The following GRM7 variants were observed in gnomAD, a reference collection of about 807,000 sequenced individuals.
GRM7 encodes the protein glutamate metabotropic receptor 7.
A neutral mutation model predicts 84.5 loss-of-function variants in GRM7; 35 were observed. That is an observed-to-expected ratio of 0.41 (90% CI 0.32 to 0.55). The LOEUF (loss-of-function observed/expected upper bound fraction) is 0.55, where lower values mean the gene tolerates loss of function less well. Ranked by LOEUF, GRM7 falls within the 20% of genes least tolerant of loss-of-function variation. The probability of loss-of-function intolerance (pLI) is 0.19; values close to 1 mark genes in which losing one functional copy is unlikely to be tolerated. For missense variants in GRM7, 1,003 were observed against 1,194.6 expected, an observed-to-expected ratio of 0.84 and a Z score of 2.36; for synonymous variants, 487 against 455.1, an observed-to-expected ratio of 1.07 and a Z score of -0.89.
intron 8 of GRM7, among the ~76,000 whole-genome samples, chr3:7,610,531 A>G (rs916644811): frequency 2.0e-5 from 3 of 152,176 alleles, no homozygotes; most frequent in Non-Finnish European, 4.4e-5. Flanking sequence ...CCCTGAAATC[A>G]CTACTTAGAA....
intron 4 of GRM7, among the ~76,000 whole-genome samples, chr3:7,307,953 G>T (rs199611922): frequency 7.1e-6 from 1 of 141,434 alleles, no homozygotes; most frequent in African/African-American, 2.5e-5. Context: ...GGAGGGCACA[G>T]AGAGTTACCA....
intron 4 of GRM7, among the ~76,000 whole-genome samples, chr3:7,343,558 T>G (rs1692746284): frequency 6.6e-6 from 1 of 152,170 alleles, no homozygotes; most frequent in African/African-American, 2.4e-5. Context: ...TTGCTTGATT[T>G]TTTTATTAAA....
chr3:7,148,111 C>T (rs897277850), intron 2 of GRM7, among the ~76,000 whole-genome samples: 1 of 152,138 alleles, frequency 6.6e-6, no homozygotes, highest in African/African-American at 2.4e-5. Flanking sequence ...AATCTTAACT[C>T]TGGCCTTGTG....
chr3:7,400,584 A>T (rs527849164), intron 4 of GRM7, among the ~76,000 whole-genome samples: 3 of 151,718 alleles, frequency 2.0e-5, no homozygotes, highest in Non-Finnish European at 2.9e-5. Flanking sequence ...GTAATTCTCC[A>T]CTCTCTCCAG....
At chr3:7,210,274 T>C (rs969355921) in intron 2 of GRM7, among the ~76,000 whole-genome samples, 1 of 152,220 alleles carries the variant, frequency 6.6e-6, no homozygotes, top group African/African-American at 2.4e-5. Context: ...ATTTACTCAG[T>C]TCCCATCTAT....
intron 7 of GRM7, among the ~76,000 whole-genome samples, chr3:7,548,792 T>C (rs1693295715): frequency 6.6e-6 from 1 of 152,242 alleles, no homozygotes; most frequent in African/African-American, 2.4e-5. Context: ...GTTGCAGTTC[T>C]GGGTGTGCCC....
At chr3:6,990,143 C>T in intron 1 of GRM7, among the ~76,000 whole-genome samples, 1 of 152,158 alleles carries the variant, frequency 6.6e-6, no homozygotes, top group East Asian at 1.9e-4. Context: ...GACAGGCAGC[C>T]CTTCCCAATT....
chr3:7,470,535 ATAT>A (rs1698657080), intron 7 of GRM7, among the ~76,000 whole-genome samples: 1 of 152,216 alleles, frequency 6.6e-6, no homozygotes, highest in Non-Finnish European at 1.5e-5. Context: ...AAGATTAATA[ATAT>A]TTATAATTAT....
intron 1 of GRM7, among the ~76,000 whole-genome samples, chr3:7,106,776 C>T (rs1436407478): frequency 2.6e-5 from 4 of 152,022 alleles, no homozygotes; most frequent in African/African-American, 7.2e-5. Flanking sequence ...GAACAGTGAT[C>T]TGGACTAAGG....
At chr3:7,726,933 T>C (rs1702152705) in intron 9 of GRM7, among the ~76,000 whole-genome samples, 1 of 151,902 alleles carries the variant, frequency 6.6e-6, no homozygotes, top group Non-Finnish European at 1.5e-5. Flanking sequence ...CAGTCTCCGG[T>C]AATCTAAAAC....
At chr3:7,002,828 G>T (rs1695061582) in intron 1 of GRM7, among the ~76,000 whole-genome samples, 1 of 152,094 alleles carries the variant, frequency 6.6e-6, no homozygotes, top group Non-Finnish European at 1.5e-5. Context: ...CCAAGGTATA[G>T]AATTAACCTA....
chr3:6,968,726 T>G (rs899954440), intron 1 of GRM7, among the ~76,000 whole-genome samples: 2 of 152,174 alleles, frequency 1.3e-5, no homozygotes, highest in Non-Finnish European at 2.9e-5. Flanking sequence ...GAGAGTTTTT[T>G]ATTGCAGGGT....
At chr3:6,881,116 A>G (rs914777553) in intron 1 of GRM7, among the ~76,000 whole-genome samples, 2 of 152,110 alleles carry the variant, frequency 1.3e-5, no homozygotes, top group African/African-American at 4.8e-5. Flanking sequence ...TATTCCTCAA[A>G]TACACATTCT....
intron 4 of GRM7, among the ~76,000 whole-genome samples, chr3:7,342,899 A>T (rs768184986): frequency 1.3e-5 from 2 of 152,152 alleles, no homozygotes; most frequent in Non-Finnish European, 2.9e-5. Flanking sequence ...GGGGACTGCA[A>T]TCTCTCATCT....
chr3:6,926,021 C>T (rs1415198535), intron 1 of GRM7, among the ~76,000 whole-genome samples: 3 of 152,148 alleles, frequency 2.0e-5, no homozygotes, highest in Admixed American at 6.5e-5. Context: ...ACTGGGATTT[C>T]GTGCTTCAAA....
chr3:7,381,030 G>A (rs1276464614), intron 4 of GRM7, among the ~76,000 whole-genome samples: 2 of 152,118 alleles, frequency 1.3e-5, no homozygotes, highest in Non-Finnish European at 2.9e-5. Flanking sequence ...GGTGGAGGAA[G>A]TCAAATTTGG....
At chr3:7,605,399 G>T (rs577852756) in intron 8 of GRM7, among the ~76,000 whole-genome samples, 2 of 152,084 alleles carry the variant, frequency 1.3e-5, no homozygotes, top group African/African-American at 2.4e-5. Flanking sequence ...AATCAAAAAT[G>T]TTTTTGATAA....
At chr3:7,083,575 C>T (rs1039672783) in intron 1 of GRM7, among the ~76,000 whole-genome samples, 1 of 152,096 alleles carries the variant, frequency 6.6e-6, no homozygotes, top group Non-Finnish European at 1.5e-5. Flanking sequence ...GCTAATTCAT[C>T]ACTCTTTCTG....
intron 1 of GRM7, among the ~76,000 whole-genome samples, chr3:6,937,769 GTAATTTCTATTATCTGT>G (rs1435505342): frequency 1.3e-5 from 2 of 152,202 alleles, no homozygotes; most frequent in Non-Finnish European, 2.9e-5. Context: ...ACAAGGAGGT[GTAATTTCTATTATCTGT>G]TATCACAATG....
Sources: gnomAD v4.1 joint callset for allele counts (sites outside exome capture counted in the v4.1 genomes callset) on GRCh38, gnomAD v4.1.1 for gene constraint, MANE v1.5 for transcripts, NCBI Gene and HGNC (gene_info 2026-07-23, HGNC 2026-07-21) for gene names.